The following NECAB1 variants were observed in gnomAD, a reference collection of about 807,000 sequenced individuals.
The protein encoded by NECAB1 is N-terminal EF-hand calcium binding protein 1.
NECAB1 carries 29 observed loss-of-function variants against 57.5 expected under a neutral mutation model. The ratio of observed to expected loss-of-function variants is 0.50; its 90% confidence interval spans 0.38 to 0.69. The LOEUF (loss-of-function observed/expected upper bound fraction) is 0.69. Among genes scored for constraint, NECAB1 ranks in the 30% least tolerant of loss-of-function variants. NECAB1 has a pLI of 0.00. For synonymous variants in NECAB1, 142 were observed against 147.7 expected, an observed-to-expected ratio of 0.96 and a Z score of 0.28; for missense variants, 372 against 413.8, an observed-to-expected ratio of 0.90 and a Z score of 0.88.
chr8:90,793,942 T>C (rs1441726851), intron 1 of NECAB1, among the ~76,000 whole-genome samples: 1 of 152,228 alleles, frequency 6.6e-6, no homozygotes, highest in Non-Finnish European at 1.5e-5. Flanking sequence ...TGTTTCCAAG[T>C]CTGTAAACAA....
At chr8:90,893,850 A>T (rs964596776) in intron 5 of NECAB1, among the ~76,000 whole-genome samples, 1 of 150,440 alleles carries the variant, frequency 6.6e-6, no homozygotes, top group Non-Finnish European at 1.5e-5. Flanking sequence ...AAAGAATGCT[A>T]TTTTTTTTTT....
At chr8:90,931,943 C>CA (rs530582789) in intron 8 of NECAB1, among the ~76,000 whole-genome samples, 12 of 150,738 alleles carry the variant, frequency 8.0e-5, no homozygotes, top group East Asian at 1.9e-4. Context: ...AAATAAAAAA[C>CA]AAAAAAAAAC....
At chr8:90,834,397 A>T (rs936179159) in intron 3 of NECAB1, among the ~76,000 whole-genome samples, 1 of 152,126 alleles carries the variant, frequency 6.6e-6, no homozygotes, top group African/African-American at 2.4e-5. Context: ...TTGGCAAATG[A>T]CTAGGTCATA....
intron 5 of NECAB1, among the ~76,000 whole-genome samples, chr8:90,904,149 T>G (rs944631178): frequency 5.6e-4 from 85 of 152,216 alleles, no homozygotes; most frequent in African/African-American, 1.9e-3. Context: ...TAATTTAAAA[T>G]TATTCCAAGA....
chr8:90,806,353 A>C (rs1286074839), intron 2 of NECAB1: 1 of 152,234 alleles, frequency 6.6e-6, no homozygotes, highest in Non-Finnish European at 1.5e-5. Flanking sequence ...CGTGGTGAGC[A>C]AAATGCCTGC....
chr8:90,886,537 G>GT (rs1808996882), intron 5 of NECAB1, among the ~76,000 whole-genome samples: 2 of 151,678 alleles, frequency 1.3e-5, no homozygotes, highest in South Asian at 4.2e-4. Context: ...TTTTGTTTTT[G>GT]TTTTTTGTAT....
chr8:90,909,270 T>C (rs1809769161), intron 5 of NECAB1, among the ~76,000 whole-genome samples: 1 of 152,128 alleles, frequency 6.6e-6, no homozygotes, highest in South Asian at 2.1e-4. Context: ...TCATATATTT[T>C]ATATGGTCTA....
intron 4 of NECAB1, among the ~76,000 whole-genome samples, chr8:90,872,733 T>C (rs1808642345): frequency 6.6e-6 from 1 of 152,204 alleles, no homozygotes; most frequent in Admixed American, 6.5e-5. Flanking sequence ...TAAAATTTTA[T>C]TATTTTATGA....
At chr8:90,895,330 A>G (rs1368773995) in intron 5 of NECAB1, among the ~76,000 whole-genome samples, 1 of 152,202 alleles carries the variant, frequency 6.6e-6, no homozygotes, top group African/African-American at 2.4e-5. Flanking sequence ...CAGGAGCAGA[A>G]CTCAGTGTCT....
intron 3 of NECAB1, among the ~76,000 whole-genome samples, chr8:90,827,087 G>A (rs1267331820): frequency 6.6e-5 from 10 of 151,994 alleles, no homozygotes; most frequent in Non-Finnish European, 1.2e-4. Flanking sequence ...TGTTGGCACA[G>A]AAATTTTGGA....
intron 5 of NECAB1, among the ~76,000 whole-genome samples, chr8:90,895,534 T>C (rs1321187679): frequency 1.3e-5 from 2 of 152,222 alleles, no homozygotes; most frequent in Admixed American, 6.5e-5. Flanking sequence ...TCAAAAGGAA[T>C]ATAATAGGAA....
At chr8:90,808,481 A>T (rs1167562083) in intron 2 of NECAB1, among the ~76,000 whole-genome samples, 1 of 152,116 alleles carries the variant, frequency 6.6e-6, no homozygotes, top group East Asian at 1.9e-4. Flanking sequence ...TAATTTCCCC[A>T]CCTGTGAAGT....
At chr8:90,909,015 C>G (rs1159095908) in intron 5 of NECAB1, among the ~76,000 whole-genome samples, 2 of 152,082 alleles carry the variant, frequency 1.3e-5, no homozygotes, top group Non-Finnish European at 2.9e-5. Context: ...GGTGCTTATG[C>G]TCATGGTTTA....
At chr8:90,793,019 G>A (rs940892314) in intron 1 of NECAB1, among the ~76,000 whole-genome samples, 1 of 152,166 alleles carries the variant, frequency 6.6e-6, no homozygotes, top group Non-Finnish European at 1.5e-5. Context: ...ATGGAGGAGT[G>A]CTACGTGCTC....
intron 5 of NECAB1, among the ~76,000 whole-genome samples, chr8:90,916,895 A>G (rs934483643): frequency 2.6e-5 from 4 of 152,200 alleles, no homozygotes; most frequent in African/African-American, 9.6e-5. Flanking sequence ...AATGAGCCTC[A>G]GGTAAAGTTA....
chr8:90,950,067 C>G lies in NECAB1; in HGVS notation c.938+183C>G, dbSNP rs1228980428. Among the ~76,000 whole-genome samples the G allele has an allele frequency of 3.3e-5, 5 of 152,140 alleles. No homozygotes were observed. The East Asian group carries it at 9.6e-4, about 29-fold the overall frequency. On this transcript the variant is annotated intron_variant, in intron 11 of 12. Transcript: ENST00000417640. ...GTATTTAATAGCTTAGAAACCACTT[C>G]TCTCTTGAAGTACAAATACTTTTGG...
At chr8:90,929,059 A>G (rs1253159649) in intron 8 of NECAB1, among the ~76,000 whole-genome samples, 1 of 152,212 alleles carries the variant, frequency 6.6e-6, no homozygotes, top group Non-Finnish European at 1.5e-5. Context: ...GCAATTGTCT[A>G]CTTATAAAAC....
At chr8:90,829,528 C>T (rs1416776749) in intron 3 of NECAB1, among the ~76,000 whole-genome samples, 2 of 152,182 alleles carry the variant, frequency 1.3e-5, no homozygotes, top group African/African-American at 2.4e-5. Context: ...GGACGTTTCA[C>T]TTCTGTGTCA....
intron 3 of NECAB1, among the ~76,000 whole-genome samples, chr8:90,869,571 G>A (rs1315135227): frequency 6.6e-6 from 1 of 152,190 alleles, no homozygotes; most frequent in African/African-American, 2.4e-5. Flanking sequence ...GGAGCTTTAA[G>A]ATTTAATAAC....
Sources: gnomAD v4.1 joint callset for allele counts (sites outside exome capture counted in the v4.1 genomes callset) on GRCh38, gnomAD v4.1.1 for gene constraint, MANE v1.5 for transcripts, NCBI Gene and HGNC (gene_info 2026-07-23, HGNC 2026-07-21) for gene names.